NFIB: variants seen among roughly 807,000 people sequenced by gnomAD.
The protein encoded by NFIB is nuclear factor 1 B-type.
Under a neutral mutation model 61.5 loss-of-function variants are expected in NFIB, and 11 were observed. The observed-to-expected ratio is 0.18, with a 90% confidence interval of 0.11 to 0.30. The LOEUF (loss-of-function observed/expected upper bound fraction) is 0.30, where lower values mean the gene tolerates loss of function less well. Ranked by LOEUF, NFIB falls within the 10% of genes least tolerant of loss-of-function variation. The pLI is 1.00. For missense variants in NFIB, 471 were observed against 608.9 expected (o/e 0.77, Z 2.38); for synonymous variants, 260 against 216.5 (o/e 1.20, Z -1.76).
chr9:14,112,808 A>C (rs1480243888), intron 10 of NFIB, among the ~76,000 whole-genome samples, 191 bp downstream of exon 10: 1 of 152,204 alleles, frequency 6.6e-6, no homozygotes, highest in Non-Finnish European at 1.5e-5. Flanking sequence ...TCATGAGCCA[A>C]TTTGAGAAAC....
At chr9:14,156,232 A>G (rs1457871716) in intron 3 of NFIB, among the ~76,000 whole-genome samples, 1 of 152,152 alleles carries the variant, frequency 6.6e-6, no homozygotes, top group East Asian at 1.9e-4. Context: ...GGTAGACTAA[A>G]GCGAAAAATG....
the NFIB span, among the ~76,000 whole-genome samples, chr9:14,429,874 G>GA: frequency 4.9e-4 from 74 of 152,086 alleles, no homozygotes; most frequent in African/African-American, 1.7e-3. Context: ...ATTTTTATTG[G>GA]AAAAAAACCA....
chr9:14,334,524 A>G (rs934015545), intron 1 of NFIB, among the ~76,000 whole-genome samples: 2 of 151,626 alleles, frequency 1.3e-5, no homozygotes, highest in Non-Finnish European at 2.9e-5. Context: ...TTTTATTTGC[A>G]CTCTTCTACC....
At chr9:14,223,194 A>C (rs1434101385) in intron 2 of NFIB, among the ~76,000 whole-genome samples, 1 of 152,160 alleles carries the variant, frequency 6.6e-6, no homozygotes, top group African/African-American at 2.4e-5. Flanking sequence ...AGCTAAATAA[A>C]AGCTCAGGGA....
intron 1 of NFIB, among the ~76,000 whole-genome samples, chr9:14,309,844 A>G (rs1490967741): frequency 2.0e-5 from 3 of 152,236 alleles, no homozygotes; most frequent in Non-Finnish European, 2.9e-5. Context: ...AAACACACAT[A>G]TATGCACTCA....
At chr9:14,496,984 T>A in the NFIB span, among the ~76,000 whole-genome samples, 1 of 152,222 alleles carries the variant, frequency 6.6e-6, no homozygotes, top group Non-Finnish European at 1.5e-5. Context: ...TTGTAGTCTT[T>A]TAGGAACAAA....
At position 14,307,866 on chromosome 9, in the gene NFIB, G is replaced by C. The variant is rs2060096418; in HGVS notation, c.31-346C>G. On this transcript the variant is annotated intron_variant, in intron 1 of 10. Coordinates refer to ENST00000380953, the MANE Select transcript of NFIB (RefSeq NM_001190737.2). The surrounding 1 kb of genome is among the most constrained non-coding windows in gnomAD (Gnocchi z 5.3). ...ATATAGGCAACTAACTAAGGTGCTT[G>C]GCACCTAATATAGTATTTCAATATT... The C allele has an allele frequency of 5.4e-6, 1 of 186,128 alleles. No homozygotes were observed. Among genetic ancestry groups the C allele is most frequent in the South Asian group, 1.3e-4 (1 of 7,730 alleles). The allele number at this position is 186,128 out of a possible 1,614,324, so 11.5% of individuals were successfully genotyped here.
chr9:14,287,662 C>T (rs946968778), intron 2 of NFIB, among the ~76,000 whole-genome samples: 6 of 151,848 alleles, frequency 4.0e-5, no homozygotes, highest in East Asian at 2.0e-4. Flanking sequence ...CCTCGTGATC[C>T]GCCTGCCTCA....
chr9:14,526,660 T>A, the NFIB span, among the ~76,000 whole-genome samples: 1 of 152,190 alleles, frequency 6.6e-6, no homozygotes, highest in South Asian at 2.1e-4. Flanking sequence ...AATCACAGCA[T>A]AGAAAATAAC....
the NFIB span, among the ~76,000 whole-genome samples, chr9:14,509,421 T>C: frequency 1.9e-3 from 294 of 152,350 alleles, 3 homozygotes; most frequent in African/African-American, 6.8e-3. Context: ...TACTGCTAAA[T>C]TGAGCTCCAT....
intron 1 of NFIB, among the ~76,000 whole-genome samples, chr9:14,368,298 G>A (rs1416448450): frequency 6.6e-6 from 1 of 152,164 alleles, no homozygotes; most frequent in Non-Finnish European, 1.5e-5. Flanking sequence ...TAAAGAGGTA[G>A]TAATATGGTA....
At chr9:14,336,423 T>C (rs1041987532) in intron 1 of NFIB, among the ~76,000 whole-genome samples, 10 of 152,250 alleles carry the variant, frequency 6.6e-5, no homozygotes, top group Non-Finnish European at 1.5e-5. Flanking sequence ...AAAATGACTC[T>C]ACAGACTGAC....
intron 6 of NFIB, among the ~76,000 whole-genome samples, chr9:14,146,081 G>A (rs956811885): frequency 6.6e-6 from 1 of 152,014 alleles, no homozygotes; most frequent in African/African-American, 2.4e-5. Context: ...CAGACTTTAA[G>A]AAGAGCTAAG....
chr9:14,192,367 A>G (rs10961411), intron 2 of NFIB, among the ~76,000 whole-genome samples: 60,889 of 151,950 alleles, frequency 0.4, 15,483 homozygotes, highest in Non-Finnish European at 0.57. Flanking sequence ...TATTATGCAA[A>G]CTTAATTCCC....
At chr9:14,104,516 T>A (rs770031239) in intron 10 of NFIB, among the ~76,000 whole-genome samples, 14 of 152,056 alleles carry the variant, frequency 9.2e-5, no homozygotes, top group Non-Finnish European at 1.6e-4. Flanking sequence ...ATAACAAGAA[T>A]GTTAATGATT....
At chr9:14,119,017 A>G (rs1391564849) in intron 8 of NFIB, among the ~76,000 whole-genome samples, 1 of 152,130 alleles carries the variant, frequency 6.6e-6, no homozygotes, top group Non-Finnish European at 1.5e-5. Flanking sequence ...TCAGTTAAAA[A>G]AAAAATCCAA....
At chr9:14,312,701 A>C (rs2060338566) in intron 1 of NFIB, among the ~76,000 whole-genome samples, 1 of 152,180 alleles carries the variant, frequency 6.6e-6, no homozygotes, top group Non-Finnish European at 1.5e-5. Flanking sequence ...ACAATTCTCA[A>C]AGTCGAAAAA....
rs2061019183 is a variant in NFIB, at chr9:14,346,290, A to AACCCCCCCCCCCC, written c.109-38771_109-38770insGGGGGGGGGGGGT. Among the ~76,000 whole-genome samples the AACCCCCCCCCCCC allele has an allele frequency of 4.5e-5, 4 of 88,398 alleles. 1 individual carries two copies. Among genetic ancestry groups the AACCCCCCCCCCCC allele is most frequent in the Non-Finnish European group, 7.7e-5 (3 of 39,104 alleles). The allele number at this position is 88,398 out of a possible 152,430, so 58.0% of individuals were successfully genotyped here. A position where few individuals can be genotyped will look rare whatever the true frequency, so the allele number is the denominator to read the frequency against. On this transcript the variant is annotated intron_variant, in intron 1 of 8. Coordinates refer to the NFIB transcript ENST00000380934. ...TCCGCAGTCACACGAGGTAACCGAC[A>AACCCCCCCCCCCC]CCCCCCCCCCGTAACCTGAGCTAAA...
intron 1 of NFIB, chr9:14,347,265 G>A (rs1448456158): frequency 6.6e-6 from 1 of 152,266 alleles, no homozygotes; most frequent in African/African-American, 2.4e-5. Context: ...GAACGGTCGA[G>A]GCACTGAGAG....
Sources: gnomAD v4.1 joint callset for allele counts (sites outside exome capture counted in the v4.1 genomes callset) on GRCh38, gnomAD v4.1.1 for gene constraint, Gnocchi (gnomAD v3.1) non-coding constraint, MANE v1.5 for transcripts, NCBI Gene and HGNC (gene_info 2026-07-23, HGNC 2026-07-21) for gene names.